TP63: variants seen among roughly 807,000 people sequenced by gnomAD.
TP63 encodes the protein tumor protein 63.
Under a neutral mutation model 82.8 loss-of-function variants are expected in TP63, and 17 were observed. The ratio of observed to expected loss-of-function variants is 0.21; its 90% CI spans 0.14 to 0.31. The LOEUF (loss-of-function observed/expected upper bound fraction) is 0.31, where lower values mean the gene tolerates loss of function less well. TP63 is among the 10% of genes least tolerant of loss of function. The pLI, the probability that TP63 is intolerant of heterozygous loss-of-function variation, is 1.00. For synonymous variants in TP63, 330 were observed against 321.7 expected (o/e 1.03, Z -0.28); for missense variants, 648 against 895.3 (o/e 0.72, Z 3.52).
At chr3:189,718,245 T>C (rs1719109881) in intron 1 of TP63, among the ~76,000 whole-genome samples, 1 of 151,870 alleles carries the variant, frequency 6.6e-6, no homozygotes, top group South Asian at 2.1e-4. Flanking sequence ...GAAAGAATTA[T>C]TTAAAGGGAA....
intron 10 of TP63, chr3:189,881,003 C>G (rs1015961274): frequency 2.0e-6 from 2 of 985,200 alleles, no homozygotes. Flanking sequence ...ACAAATCCAC[C>G]CCAGTAATAT....
intron 1 of TP63, among the ~76,000 whole-genome samples, chr3:189,702,703 T>C (rs1717905237): frequency 6.6e-6 from 1 of 152,214 alleles, no homozygotes; most frequent in Non-Finnish European, 1.5e-5. Context: ...ATATTCAGGA[T>C]TGAGCAGAGC....
chr3:189,782,298 A>G (rs1052979227), intron 3 of TP63, among the ~76,000 whole-genome samples: 2 of 152,168 alleles, frequency 1.3e-5, no homozygotes, highest in African/African-American at 2.4e-5. Context: ...ACTCAAAATC[A>G]AAGAGGTGAA....
intron 3 of TP63, among the ~76,000 whole-genome samples, chr3:189,765,220 T>G (rs982938163): frequency 7.6e-6 from 1 of 132,274 alleles, no homozygotes; most frequent in South Asian, 2.7e-4. Flanking sequence ...TATGGTTTGA[T>G]AGAAAACTAA....
the TP63 span, among the ~76,000 whole-genome samples, chr3:189,610,905 A>G: frequency 2.0e-5 from 3 of 152,202 alleles, no homozygotes; most frequent in Admixed American, 1.3e-4. Context: ...CATGAATGGC[A>G]GCAGGCAAAA....
Position 189,691,643 on chromosome 3 carries a change from G to C in TP63, c.63-46097G>C, listed in dbSNP as rs557561898. Reference sequence around the variant, plus strand: ...TAAGAAACGCTGCTTTAAATAATCAGTTTTCCTGTTTAAGCTTCAGGGTTC... The same window carrying C: ...TAAGAAACGCTGCTTTAAATAATCACTTTTCCTGTTTAAGCTTCAGGGTTC... On this transcript the variant is annotated intron_variant, in intron 1 of 13. Coordinates refer to ENST00000264731, the MANE Select transcript of TP63 (RefSeq NM_003722.5). Among the ~76,000 whole-genome samples, 2 of 152,098 alleles carry C rather than the reference G, an allele frequency of 1.3e-5. 1 individual carries two copies. The highest frequency in any genetic ancestry group is 4.1e-4 in the South Asian group (2 of 4,830).
chr3:189,706,833 T>A (rs1407742906), intron 1 of TP63, among the ~76,000 whole-genome samples: 1 of 152,184 alleles, frequency 6.6e-6, no homozygotes, highest in Non-Finnish European at 1.5e-5. Flanking sequence ...GCAATAGTAG[T>A]TCTGACTCTA....
At chr3:189,637,266 T>G (rs1729842552) in intron 1 of TP63, among the ~76,000 whole-genome samples, 1 of 152,132 alleles carries the variant, frequency 6.6e-6, no homozygotes, top group Non-Finnish European at 1.5e-5. Flanking sequence ...TTTTTTCTCA[T>G]CAGCGTTATA....
At chr3:189,699,984 G>A (rs1327480442) in intron 1 of TP63, among the ~76,000 whole-genome samples, 3 of 152,140 alleles carry the variant, frequency 2.0e-5, no homozygotes, top group South Asian at 2.1e-4. Flanking sequence ...AGTTATGTGC[G>A]CTGATGCTGT....
At chr3:189,779,432 T>C (rs537446609) in intron 3 of TP63, among the ~76,000 whole-genome samples, 81 of 152,126 alleles carry the variant, frequency 5.3e-4, no homozygotes, top group Non-Finnish European at 9.6e-4. Context: ...GTTAGTTCAT[T>C]GTGTCTGTAA....
At chr3:189,842,024 G>T (rs1172027477) in intron 4 of TP63, among the ~76,000 whole-genome samples, 3 of 152,200 alleles carry the variant, frequency 2.0e-5, no homozygotes, top group African/African-American at 7.2e-5. Context: ...AAACCAGTTT[G>T]GGCCCAGAGG....
At chr3:189,853,291 G>T (rs1251726847) in intron 4 of TP63, among the ~76,000 whole-genome samples, 3 of 152,116 alleles carry the variant, frequency 2.0e-5, no homozygotes, top group African/African-American at 7.2e-5. Flanking sequence ...CCCTCTAGTG[G>T]CTTCCTATCT....
At chr3:189,806,468 T>A (rs1726919978) in intron 3 of TP63, among the ~76,000 whole-genome samples, 1 of 152,234 alleles carries the variant, frequency 6.6e-6, no homozygotes, top group African/African-American at 2.4e-5. Context: ...ACAAAGAATA[T>A]CTTTTCAATC....
At chr3:189,742,102 G>A (rs2108508321) in intron 3 of TP63, among the ~76,000 whole-genome samples, 1 of 152,066 alleles carries the variant, frequency 6.6e-6, no homozygotes, top group South Asian at 2.1e-4. Flanking sequence ...AATTAGCTGA[G>A]CATGGTGGCG....
At position 189,719,642 on chromosome 3, in the gene TP63, G is replaced by GGCTTAATGTC. The variant is rs1719233369; in HGVS notation, c.63-18098_63-18097insGCTTAATGTC. 2.0e-5 allele frequency among the ~76,000 whole-genome samples: 3 copies of GGCTTAATGTC among 152,218 alleles called. No homozygotes were observed. In the South Asian group the frequency reaches 6.2e-4, roughly 32 times the overall value. On this transcript the variant is annotated intron_variant, in intron 1 of 13. Transcript: ENST00000264731. Reference sequence around the variant, plus strand: ...CTACTCAGCTCTGCCGTCGCAGGTTGAAAGCAGTCATAGACTACACCTAAA... The same window carrying GGCTTAATGTC: ...CTACTCAGCTCTGCCGTCGCAGGTTGGCTTAATGTCAAAGCAGTCATAGACTACACCTAAA...
At position 189,722,029 on chromosome 3, in the gene TP63, G is replaced by A. The variant is rs144610271; in HGVS notation, c.63-15711G>A. Among the ~76,000 whole-genome samples the A allele has an allele frequency of 7.9e-5, 12 of 152,268 alleles. No individual in the cohort carries two copies. In the East Asian group the frequency reaches 2.3e-3, roughly 29 times the overall value. ...GTAGAGAAGTAGGAAGGATGGATTG[G>A]AGAGATCTTACTGAGGATGAATTAG... On this transcript the variant is annotated intron_variant, in intron 1 of 13. Transcript: ENST00000264731.
intron 4 of TP63, among the ~76,000 whole-genome samples, chr3:189,848,582 G>A (rs73199763): frequency 6.6e-6 from 1 of 152,188 alleles, no homozygotes; most frequent in Non-Finnish European, 1.5e-5. Context: ...CTTTGAAATG[G>A]GATGACTCAG....
At chr3:189,893,447 A>G (rs538580763) in intron 13 of TP63, among the ~76,000 whole-genome samples, 1 of 152,260 alleles carries the variant, frequency 6.6e-6, no homozygotes, top group Non-Finnish European at 1.5e-5. Context: ...AATCTAAAGA[A>G]GAGCTAACGC....
intron 3 of TP63, among the ~76,000 whole-genome samples, chr3:189,758,920 T>A (rs1283787735): frequency 6.6e-6 from 1 of 152,226 alleles, no homozygotes; most frequent in Non-Finnish European, 1.5e-5. Context: ...AACACTCTTT[T>A]GTCTGTTCAG....
Sources: allele counts gnomAD v4.1 joint callset (sites outside exome capture counted in the v4.1 genomes callset), GRCh38; gene constraint gnomAD v4.1.1; transcripts MANE v1.5; gene names NCBI Gene and HGNC (gene_info 2026-07-23, HGNC 2026-07-21).